SERPINB10: variants seen among roughly 807,000 people sequenced by gnomAD.
The protein encoded by SERPINB10 is serpin B10.
SERPINB10 carries 35 observed loss-of-function variants against 39.1 expected under a neutral mutation model. That is an observed-to-expected ratio of 0.90 (90% CI 0.68 to 1.19). The LOEUF (loss-of-function observed/expected upper bound fraction) is 1.19, where lower values mean the gene tolerates loss of function less well. Among genes scored for constraint, SERPINB10 ranks in the 50% most tolerant of loss-of-function variants. The pLI, the probability that SERPINB10 is intolerant of heterozygous loss-of-function variation, is 0.00. For missense variants in SERPINB10, 546 were observed against 460.5 expected (o/e 1.19, Z -1.70); for synonymous variants, 190 against 158.1 (o/e 1.20, Z -1.52).
At chr18:63,912,389 T>C (rs1007454643) in intron 1 of SERPINB10, among the ~76,000 whole-genome samples, 2 of 152,048 alleles carry the variant, frequency 1.3e-5, no homozygotes, top group Admixed American at 6.6e-5. Flanking sequence ...CTTCCAGCTT[T>C]TGCCTATTCA....
At chr18:63,929,713 A>G (rs1445263770) in intron 5 of SERPINB10, among the ~76,000 whole-genome samples, 2 of 49,686 alleles carry the variant, frequency 4.0e-5, no homozygotes, top group Non-Finnish European at 6.4e-5. Flanking sequence ...GCTAAAGTGC[A>G]AAAAAAAAAA....
chr18:63,933,596 T>G (rs1408151756), intron 7 of SERPINB10, among the ~76,000 whole-genome samples: 2 of 152,166 alleles, frequency 1.3e-5, no homozygotes, highest in Non-Finnish European at 2.9e-5. Context: ...TAATTTGAAA[T>G]TAATATTTTA....
At position 63,935,038 on chromosome 18, in the gene SERPINB10, C is replaced by G. The variant is rs539832597; in HGVS notation, c.990C>G (p.Asn330Lys). 1 of 1,614,146 alleles carries G rather than the reference C, an allele frequency of 6.2e-7. No individual in the cohort carries two copies. Among genetic ancestry groups the G allele is most frequent in the South Asian group, 1.1e-5 (1 of 91,070 alleles). ...ADFSGMSSARNLFLSNVFHKA... is the reference protein window; with the variant it reads ...ADFSGMSSARKLFLSNVFHKA... ...TCTCAGGAATGTCTTCAGCAAGAAA[C>G]CTATTTTTGTCCAATGTTTTCCATA... is the stretch of plus-strand genomic sequence containing the variant. Residue 330 changes from asparagine (N) to lysine (K), a missense_variant, in exon 8 of 8, where the codon AAC becomes AAG. Transcript: ENST00000238508.
chr18:63,913,066 G>C (rs2050076423), intron 1 of SERPINB10, among the ~76,000 whole-genome samples: 1 of 151,780 alleles, frequency 6.6e-6, no homozygotes, highest in African/African-American at 2.4e-5. Flanking sequence ...TGTGTGCATA[G>C]AGGTAGTCAT....
chr18:63,911,503 C>G (rs1410265824), intron 1 of SERPINB10, among the ~76,000 whole-genome samples: 1 of 151,904 alleles, frequency 6.6e-6, no homozygotes, highest in Non-Finnish European at 1.5e-5. Flanking sequence ...ATATGGTTAA[C>G]CAGCTATCCC....
intron 6 of SERPINB10, 139 bp downstream of exon 6, chr18:63,930,326 C>T (rs932522766): frequency 2.2e-6 from 2 of 890,394 alleles, no homozygotes; most frequent in Admixed American, 2.6e-5. Context: ...GGGCTAAAAG[C>T]CTTCAGTTCC....
chr18:63,916,292 A>G (rs2144722508), intron 2 of SERPINB10, among the ~76,000 whole-genome samples: 1 of 151,780 alleles, frequency 6.6e-6, no homozygotes, highest in African/African-American at 2.4e-5. Flanking sequence ...GTGTAAAAAT[A>G]TATATGAATA....
At chr18:63,918,396 A>G (rs2050120696) in intron 4 of SERPINB10, among the ~76,000 whole-genome samples, 1 of 152,068 alleles carries the variant, frequency 6.6e-6, no homozygotes, top group African/African-American at 2.4e-5. Context: ...CTTGAGAGCA[A>G]AACTGACCTT....
intron 5 of SERPINB10, among the ~76,000 whole-genome samples, chr18:63,921,726 G>T (rs2050148116): frequency 6.6e-6 from 1 of 151,726 alleles, no homozygotes; most frequent in Non-Finnish European, 1.5e-5. Flanking sequence ...TCAACACAAA[G>T]CCCTTAACCA....
rs1293661662 is a variant in SERPINB10 at position 63,915,670 on chromosome 18, A to G, written c.160A>G (p.Met54Val). 1.2e-6 allele frequency: 2 copies of G among 1,608,914 alleles called. No homozygotes were observed. The highest frequency in any genetic ancestry group is 1.7e-6 in the Non-Finnish European group (2 of 1,176,932). Residue 54 changes from methionine (M) to valine (V), a missense_variant, in exon 2 of 8, where the codon ATG (methionine) becomes GTG (valine). Physicochemically the swap from Met to Val is conservative, Grantham distance 21 (BLOSUM62 1). Coordinates refer to ENST00000238508, the MANE Select transcript of SERPINB10 (RefSeq NM_005024.3). Reference sequence around the variant, plus strand: ...CGCCAAAGGTACCACTGCAGCCCAAATGGCCCAGGTGAGTGGAAAAGGTCA... The same window carrying G: ...CGCCAAAGGTACCACTGCAGCCCAAGTGGCCCAGGTGAGTGGAAAAGGTCA... ...LGAKGTTAAQ[M>V]AQVLQFNRDQ...
At chr18:63,917,057 C>A (rs2050108831) in intron 2 of SERPINB10, among the ~76,000 whole-genome samples, 1 of 151,744 alleles carries the variant, frequency 6.6e-6, no homozygotes, top group South Asian at 2.1e-4. Flanking sequence ...AAAAAAACAA[C>A]TAAAATTCCT....
At chr18:63,931,505 G>A (rs1260589357) in intron 6 of SERPINB10, among the ~76,000 whole-genome samples, 1 of 152,120 alleles carries the variant, frequency 6.6e-6, no homozygotes, top group Non-Finnish European at 1.5e-5. Context: ...TGGACAGTTC[G>A]ACATAGAATG....
rs1050420984 is a variant in SERPINB10, at chr18:63,936,053, T to C, written c.*811T>C. 1 of 152,238 alleles carries C rather than the reference T, an allele frequency of 6.6e-6. No homozygotes were observed. The highest frequency in any genetic ancestry group is 1.5e-5 in the Non-Finnish European group (1 of 68,042). 9.4% of individuals were successfully genotyped at this position (152,238 alleles called of 1,614,324 possible). A position where few individuals can be genotyped will look rare whatever the true frequency, so the allele number is the denominator to read the frequency against. On this transcript the variant is annotated 3_prime_UTR_variant, in exon 8 of 8. Transcript: ENST00000238508. ...GAGTATATGAGAATTAGCTGTATTA[T>C]CTCTGCACCTCTTCTGCCAATCTAA...
chr18:63,925,975 A>T (rs1402863775), intron 5 of SERPINB10, among the ~76,000 whole-genome samples: 3 of 152,074 alleles, frequency 2.0e-5, no homozygotes, highest in African/African-American at 7.2e-5. Flanking sequence ...TCCTTACATG[A>T]TTCATTGAGA....
intron 6 of SERPINB10, among the ~76,000 whole-genome samples, chr18:63,931,327 C>A (rs1162041035): frequency 1.3e-5 from 2 of 152,170 alleles, no homozygotes; most frequent in Non-Finnish European, 2.9e-5. Flanking sequence ...AGTCTTCAAG[C>A]TTCACAACTC....
At chr18:63,911,756 T>C (rs2050066249) in intron 1 of SERPINB10, among the ~76,000 whole-genome samples, 1 of 151,676 alleles carries the variant, frequency 6.6e-6, no homozygotes, top group South Asian at 2.1e-4. Context: ...CTTTGGATAT[T>C]GGGGCTCTTT....
chr18:63,925,101 A>G (rs535279767), intron 5 of SERPINB10, among the ~76,000 whole-genome samples: 9 of 152,156 alleles, frequency 5.9e-5, no homozygotes, highest in African/African-American at 2.2e-4. Flanking sequence ...TATATTGGAA[A>G]TCATGAGAGC....
chr18:63,927,829 A>G (rs1401384399), intron 5 of SERPINB10, among the ~76,000 whole-genome samples: 2 of 152,130 alleles, frequency 1.3e-5, no homozygotes, highest in African/African-American at 4.8e-5. Context: ...TATATTCACA[A>G]GAGAAATGGG....
At chr18:63,918,245 C>T in intron 4 of SERPINB10, 143 bp downstream of exon 4, 1 of 741,658 alleles carries the variant, frequency 1.3e-6, no homozygotes, top group Non-Finnish European at 2.2e-6. Flanking sequence ...ATTAGACCAA[C>T]CAATGAGTGT....
Sources: gnomAD v4.1 joint callset for allele counts (sites outside exome capture counted in the v4.1 genomes callset) on GRCh38, gnomAD v4.1.1 for gene constraint, MANE v1.5 for transcripts, NCBI Gene and HGNC (gene_info 2026-07-23, HGNC 2026-07-21) for gene names.